The following KIF26B variants were observed in gnomAD, a reference collection of about 807,000 sequenced individuals.
KIF26B encodes the protein kinesin family member 26B.
KIF26B carries 63 observed loss-of-function variants against 151.2 expected under a neutral mutation model. The ratio of observed to expected loss-of-function variants is 0.42; its 90% CI spans 0.34 to 0.51. The LOEUF (loss-of-function observed/expected upper bound fraction) is 0.51. Ranked by LOEUF, KIF26B falls within the 20% of genes least tolerant of loss-of-function variation. The pLI, the probability that KIF26B is intolerant of heterozygous loss-of-function variation, is 0.07. For synonymous variants in KIF26B, 1,357 were observed against 1,262.1 expected, an observed-to-expected ratio of 1.08 and a Z score of -1.59; for missense variants, 2,813 against 2,913.6, an observed-to-expected ratio of 0.97 and a Z score of 0.79.
In KIF26B at chr1:245,698,389, G is replaced by T; in HGVS notation, c.6027+81G>T. The T allele has an allele frequency of 1.5e-6, 2 of 1,341,400 alleles. No homozygotes were observed. Among genetic ancestry groups the T allele is most frequent in the Non-Finnish European group, 2.1e-6 (2 of 972,328 alleles). The allele number at this position is 1,341,400 out of a possible 1,614,324, so 83.1% of individuals were successfully genotyped here. ...CTGAGCAGGTGCTAGGCAGGGCCCT[G>T]GGGAAGAAAACTCAGACCCGGGCTT... On this transcript the variant is annotated intron_variant, in intron 13 of 14. Coordinates refer to ENST00000407071, the MANE Select transcript of KIF26B (RefSeq NM_018012.4). The surrounding 1 kb of genome is among the most constrained non-coding windows in gnomAD (Gnocchi z 4.0).
chr1:245,409,559 G>A (rs1674224625), intron 3 of KIF26B, among the ~76,000 whole-genome samples: 1 of 152,230 alleles, frequency 6.6e-6, no homozygotes, highest in Non-Finnish European at 1.5e-5. Flanking sequence ...CGTATCGCCA[G>A]TTGTGGAATT....
intron 10 of KIF26B, among the ~76,000 whole-genome samples, chr1:245,656,336 G>A (rs1457559421): frequency 6.6e-6 from 1 of 152,144 alleles, no homozygotes; most frequent in Non-Finnish European, 1.5e-5. Context: ...GTCTTCCAAA[G>A]TTTGCCACAG....
rs901956887 is a variant in KIF26B at position 245,524,957 on chromosome 1, A to T, written c.1167-15810A>T. ...TTTTGGTCTCTCAGGGGCATTTAAC[A>T]TTCTTAGCCACTTGTTCCGTCTTCC... On this transcript the variant is annotated intron_variant, in intron 4 of 14. Coordinates refer to ENST00000407071, the MANE Select transcript of KIF26B (RefSeq NM_018012.4). Among the ~76,000 whole-genome samples, 14 of 152,238 alleles carry T rather than the reference A, an allele frequency of 9.2e-5. No individual in the cohort carries two copies. The East Asian group carries it at 2.5e-3, about 27-fold the overall frequency.
chr1:245,341,805 G>T (rs1365638462), intron 2 of KIF26B, among the ~76,000 whole-genome samples: 1 of 152,176 alleles, frequency 6.6e-6, no homozygotes, highest in Non-Finnish European at 1.5e-5. Flanking sequence ...TGGTGGGCAG[G>T]GAGGGTCACC....
intron 2 of KIF26B, among the ~76,000 whole-genome samples, chr1:245,271,171 G>A (rs958277412): frequency 2.6e-5 from 4 of 152,084 alleles, no homozygotes; most frequent in Non-Finnish European, 2.9e-5. Flanking sequence ...AAGATGTTTC[G>A]AGATCAGAAA....
rs939667687 is a variant in KIF26B at position 245,178,803 on chromosome 1, G to A, written c.465+22120G>A. On this transcript the variant is annotated intron_variant, in intron 2 of 14. Transcript: ENST00000407071. ...GATAAAGGCTGGTGGTACCGCCTGT[G>A]ACGTGGGCTTGCCACATGCAGTGTC... Among the ~76,000 whole-genome samples, 7 of 152,286 alleles carry A rather than the reference G, an allele frequency of 4.6e-5. No homozygotes were observed. The East Asian group carries it at 5.8e-4, about 13-fold the overall frequency.
chr1:245,437,350 G>C (rs781274639), intron 4 of KIF26B, among the ~76,000 whole-genome samples: 1 of 152,140 alleles, frequency 6.6e-6, no homozygotes, highest in South Asian at 2.1e-4. Flanking sequence ...GTGTCTTTTG[G>C]ATAAATCAGA....
At chr1:245,254,717 C>T (rs556825335) in intron 2 of KIF26B, among the ~76,000 whole-genome samples, 1 of 152,202 alleles carries the variant, frequency 6.6e-6, no homozygotes, top group South Asian at 2.1e-4. Context: ...TGGAGCTGTT[C>T]TGATGCCCCA....
chr1:245,496,078 C>T (rs1461400738), intron 4 of KIF26B, among the ~76,000 whole-genome samples: 2 of 151,954 alleles, frequency 1.3e-5, no homozygotes, highest in African/African-American at 2.4e-5. Flanking sequence ...AGGAAGTATA[C>T]GGATAGAAAG....
intron 14 of KIF26B, among the ~76,000 whole-genome samples, chr1:245,700,529 C>T (rs1052758830): frequency 6.6e-6 from 1 of 152,102 alleles, no homozygotes; most frequent in African/African-American, 2.4e-5. Context: ...CCCTGTCTGT[C>T]TCTACCAAAA....
At chr1:245,436,731 C>G (rs919443678) in intron 4 of KIF26B, among the ~76,000 whole-genome samples, 1 of 152,110 alleles carries the variant, frequency 6.6e-6, no homozygotes, top group Non-Finnish European at 1.5e-5. Context: ...AACTGGACAC[C>G]GTAGCCTAGC....
At chr1:245,165,411 G>C (rs1668599437) in intron 2 of KIF26B, among the ~76,000 whole-genome samples, 1 of 152,196 alleles carries the variant, frequency 6.6e-6, no homozygotes, top group Non-Finnish European at 1.5e-5. Context: ...CCCAGTGTTC[G>C]AGGATGGCTG....
chr1:245,350,804 G>A (rs1476321435), intron 2 of KIF26B, among the ~76,000 whole-genome samples: 1 of 152,176 alleles, frequency 6.6e-6, no homozygotes, highest in Non-Finnish European at 1.5e-5. Flanking sequence ...GCTGCTTTGA[G>A]ACAATTCCAA....
At position 245,488,832 on chromosome 1, in the gene KIF26B, TAATAAC is replaced by T. The variant is rs1660337279; in HGVS notation, c.1167-51933_1167-51928del. Among the ~76,000 whole-genome samples, 1 of 152,200 alleles carries T rather than the reference TAATAAC, an allele frequency of 6.6e-6. No homozygotes were observed. The highest frequency in any genetic ancestry group is 1.5e-5 in the Non-Finnish European group (1 of 68,032). On this transcript the variant is annotated intron_variant, in intron 4 of 14. Transcript: ENST00000407071. The surrounding 1 kb of genome is among the most constrained non-coding windows in gnomAD (Gnocchi z 4.6). ...GAGGTTAATTTTGTGAGTGAGTCCTTAATAACAGAGGGACCAAGACTCGATTCTTTA... is the reference window on the plus strand; with the variant it reads ...GAGGTTAATTTTGTGAGTGAGTCCTTAGAGGGACCAAGACTCGATTCTTTA...
At chr1:245,466,471 A>G (rs548827731) in intron 4 of KIF26B, among the ~76,000 whole-genome samples, 1 of 152,358 alleles carries the variant, frequency 6.6e-6, no homozygotes, top group African/African-American at 2.4e-5. Context: ...GGGATTTACA[A>G]GGTAAATCAA....
chr1:245,442,359 T>C (rs1033357937), intron 4 of KIF26B, among the ~76,000 whole-genome samples: 4 of 152,130 alleles, frequency 2.6e-5, no homozygotes, highest in Non-Finnish European at 4.4e-5. Context: ...GATGCTGTTT[T>C]CCAGAAGACT....
rs148090464 is a variant in KIF26B at position 245,558,335 on chromosome 1, T to G, written c.1350+17385T>G. 8.3e-3 allele frequency among the ~76,000 whole-genome samples: 1,261 copies of G among 152,016 alleles called. 15 individuals are homozygous for G. Among genetic ancestry groups the G allele is most frequent in the African/African-American group, 0.022 (893 of 41,268 alleles). ...GTTCCTGCTTCTCTCGCCTGCCCCC[T>G]TGACTCCAGTGAGTAGTTTTTGGTG... On this transcript the variant is annotated intron_variant, in intron 5 of 14. Transcript: ENST00000407071.
At position 245,305,398 on chromosome 1, in the gene KIF26B, T is replaced by C. The variant is rs369242674; in HGVS notation, c.466-61436T>C. Among the ~76,000 whole-genome samples the C allele has an allele frequency of 5.3e-5, 8 of 152,188 alleles. No individual in the cohort carries two copies. In the East Asian group the frequency reaches 5.8e-4, roughly 11 times the overall value. On this transcript the variant is annotated intron_variant, in intron 2 of 14. Coordinates refer to ENST00000407071, the MANE Select transcript of KIF26B (RefSeq NM_018012.4). ...ATGAAAGACTCTTGCCACTCAATAA[T>C]AAAAAGACAAGTCAATTATAAAAAT...
chr1:245,680,242 G>A (rs541935474), intron 10 of KIF26B, among the ~76,000 whole-genome samples: 1 of 152,028 alleles, frequency 6.6e-6, no homozygotes, highest in Non-Finnish European at 1.5e-5. Flanking sequence ...TCATCATGAG[G>A]TTGGGAAAGC....
Sources: gnomAD v4.1 joint callset for allele counts (sites outside exome capture counted in the v4.1 genomes callset) on GRCh38, gnomAD v4.1.1 for gene constraint, Gnocchi (gnomAD v3.1) non-coding constraint, MANE v1.5 for transcripts, NCBI Gene and HGNC (gene_info 2026-07-23, HGNC 2026-07-21) for gene names.